ADAMTS20: variants seen among roughly 807,000 people sequenced by gnomAD.
The protein encoded by ADAMTS20 is ADAM metallopeptidase with thrombospondin type 1 motif 20.
ADAMTS20 carries 225 observed loss-of-function variants against 260.1 expected under a neutral mutation model. That is an observed-to-expected ratio of 0.87 (90% CI 0.78 to 0.97). The LOEUF (loss-of-function observed/expected upper bound fraction) is 0.97. Ranked by LOEUF, ADAMTS20 falls within the 50% of genes least tolerant of loss-of-function variation. The probability of loss-of-function intolerance (pLI) is 0.00; values close to 1 mark genes in which losing one functional copy is unlikely to be tolerated. For synonymous variants in ADAMTS20, 802 were observed against 769.5 expected (o/e 1.04, Z -0.70); for missense variants, 2,400 against 2,337.7 (o/e 1.03, Z -0.55).
intron 3 of ADAMTS20, among the ~76,000 whole-genome samples, chr12:43,522,438 T>G (rs1289498741): frequency 1.3e-5 from 2 of 152,338 alleles, no homozygotes; most frequent in East Asian, 3.9e-4. Flanking sequence ...CATTTCATTT[T>G]CACTTCCATC....
intron 2 of ADAMTS20, among the ~76,000 whole-genome samples, chr12:43,547,780 A>T (rs11182150): frequency 6.6e-6 from 1 of 151,928 alleles, no homozygotes; most frequent in Non-Finnish European, 1.5e-5. Flanking sequence ...ATTCAGAGGG[A>T]TATACAGCAC....
chr12:43,380,776 G>C (rs1269011178), intron 31 of ADAMTS20, among the ~76,000 whole-genome samples: 1 of 152,112 alleles, frequency 6.6e-6, no homozygotes, highest in Non-Finnish European at 1.5e-5. Context: ...CACATTCGTA[G>C]ATAAGAAGAC....
At position 43,437,249 on chromosome 12, in the gene ADAMTS20, C is replaced by T. The variant is rs536965606; in HGVS notation, c.2593+2373G>A. On this transcript the variant is annotated intron_variant, in intron 18 of 38. Coordinates refer to ENST00000389420, the MANE Select transcript of ADAMTS20 (RefSeq NM_025003.5). ...GTTATGAGAAGAAACATTAAGAAAA[C>T]AATGAATTTGAGAGAATAAATTAGA... Among the ~76,000 whole-genome samples the T allele has an allele frequency of 5.3e-5, 8 of 151,996 alleles. No homozygotes were observed. In the South Asian group the frequency reaches 1.2e-3, roughly 24 times the overall value.
chr12:43,412,759 G>A (rs1166462875), intron 28 of ADAMTS20, among the ~76,000 whole-genome samples: 1 of 151,570 alleles, frequency 6.6e-6, no homozygotes, highest in Non-Finnish European at 1.5e-5. Context: ...ACAATAAAGA[G>A]GTTGCCCTTA....
chr12:43,433,753 C>T, intron 19 of ADAMTS20: 1 of 462,012 alleles, frequency 2.2e-6, no homozygotes, highest in Non-Finnish European at 4.3e-6. Context: ...AACCAAATAA[C>T]AAGAAATTTA....
intron 2 of ADAMTS20, among the ~76,000 whole-genome samples, chr12:43,540,558 G>C (rs1317391259): frequency 6.6e-6 from 1 of 151,882 alleles, no homozygotes; most frequent in Non-Finnish European, 1.5e-5. Context: ...TAAAATATTA[G>C]AGCTTTGCCT....
chr12:43,492,294 G>A (rs1339001420), intron 6 of ADAMTS20, among the ~76,000 whole-genome samples: 1 of 151,764 alleles, frequency 6.6e-6, no homozygotes, highest in Admixed American at 6.6e-5. Context: ...GCAGGAGAAT[G>A]GCGTGAACCC....
At chr12:43,415,504 A>G (rs1270065967) in intron 28 of ADAMTS20, among the ~76,000 whole-genome samples, 5 of 152,220 alleles carry the variant, frequency 3.3e-5, no homozygotes, top group Non-Finnish European at 7.3e-5. Flanking sequence ...AATAATATAT[A>G]CTTACTGGAT....
In ADAMTS20 at chr12:43,551,027, G is replaced by C. The variant is rs745485529; in HGVS notation, c.335C>G (p.Pro112Arg). The C allele has an allele frequency of 5.6e-6, 9 of 1,613,144 alleles. No individual in the cohort carries two copies. In the Admixed American group the frequency reaches 1.5e-4, roughly 27 times the overall value. The change falls in exon 2 of 39, where the codon CCG becomes CGG. Residue 112 changes from proline to arginine, a missense_variant. Transcript: ENST00000389420. This position sits in a 1 kb window ranked among gnomAD's most constrained non-coding sequence, Gnocchi z 4.6. ...AGYTEVHLGT[P>R]ERGAWESDAG... ...GTCGCTCTCCCAGGCCCCGCGCTCCGGGGTTCCCAAGTGCACCTCGGTGTA... is the reference window on the plus strand; with the variant it reads ...GTCGCTCTCCCAGGCCCCGCGCTCCCGGGTTCCCAAGTGCACCTCGGTGTA...
intron 3 of ADAMTS20, among the ~76,000 whole-genome samples, chr12:43,509,222 C>T (rs1010518742): frequency 1.3e-5 from 2 of 151,920 alleles, no homozygotes; most frequent in Non-Finnish European, 2.9e-5. Flanking sequence ...TATATGTGTG[C>T]ATTTATCTTT....
At chr12:43,389,338 G>A (rs565709802) in intron 29 of ADAMTS20, among the ~76,000 whole-genome samples, 1 of 152,304 alleles carries the variant, frequency 6.6e-6, no homozygotes, top group South Asian at 2.1e-4. Flanking sequence ...CCATAGGGTA[G>A]ACATTCTCAT....
intron 26 of ADAMTS20, 53 bp downstream of exon 26, chr12:43,428,188 G>A (rs1206433664): frequency 1.3e-6 from 2 of 1,549,050 alleles, no homozygotes; most frequent in Non-Finnish European, 1.8e-6. Flanking sequence ...CTGTTAAAAG[G>A]ATGTAATATA....
At chr12:43,447,458 G>C (rs1941784284) in intron 14 of ADAMTS20, among the ~76,000 whole-genome samples, 1 of 152,004 alleles carries the variant, frequency 6.6e-6, no homozygotes, top group African/African-American at 2.4e-5. Context: ...CATGTTAAGA[G>C]CTCTTCATAA....
intron 28 of ADAMTS20, among the ~76,000 whole-genome samples, chr12:43,422,091 T>C (rs936876756): frequency 6.6e-6 from 1 of 152,014 alleles, no homozygotes; most frequent in Non-Finnish European, 1.5e-5. Context: ...CGCTGACTAA[T>C]CACCAAAAAT....
intron 2 of ADAMTS20, among the ~76,000 whole-genome samples, chr12:43,547,842 T>C (rs1487910514): frequency 6.6e-6 from 1 of 152,052 alleles, no homozygotes; most frequent in Non-Finnish European, 1.5e-5. Flanking sequence ...CTCATTGAAC[T>C]AGGAGAAAAA....
chr12:43,430,511 C>T lies in ADAMTS20; in HGVS notation c.3262-40G>A, dbSNP rs1211529447. On this transcript the variant is annotated intron_variant, in intron 22 of 38. Coordinates refer to ENST00000389420, the MANE Select transcript of ADAMTS20 (RefSeq NM_025003.5). The stretch of plus-strand genomic sequence containing the variant: ...TAGATATTAAAAAAACATTGTTTCC[C>T]AAAAGTTACACAAACTTCTATTTTC... 4 of 1,569,456 alleles carry T rather than the reference C, an allele frequency of 2.5e-6. No individual in the cohort carries two copies. The African/African-American group carries it at 4.1e-5, about 16-fold the overall frequency.
chr12:43,432,173 C>A, intron 21 of ADAMTS20, 131 bp downstream of exon 21: 1 of 1,065,310 alleles, frequency 9.4e-7, no homozygotes, highest in South Asian at 1.8e-5. Flanking sequence ...AAATTTCTGA[C>A]AGCTTTGATA....
At chr12:43,517,203 A>T (rs4768506) in intron 3 of ADAMTS20, among the ~76,000 whole-genome samples, 87,314 of 151,786 alleles carry the variant, frequency 0.58, 25,905 homozygotes, top group East Asian at 0.97. Flanking sequence ...TTCTAGAAAA[A>T]CTAGCCAACG....
At chr12:43,485,164 G>C (rs1039169690) in intron 7 of ADAMTS20, among the ~76,000 whole-genome samples, 1 of 148,858 alleles carries the variant, frequency 6.7e-6, no homozygotes, top group African/African-American at 2.5e-5. Context: ...GATGAATATA[G>C]GTAGAAAAAT....
Sources: gnomAD v4.1 joint callset for allele counts (sites outside exome capture counted in the v4.1 genomes callset) on GRCh38, gnomAD v4.1.1 for gene constraint, Gnocchi (gnomAD v3.1) non-coding constraint, MANE v1.5 for transcripts, NCBI Gene and HGNC (gene_info 2026-07-23, HGNC 2026-07-21) for gene names.